The following NBEA variants were observed in gnomAD, a reference collection of about 807,000 sequenced individuals.
NBEA encodes lysosomal-trafficking regulator 2.
In NBEA, 44 loss-of-function variants were observed where a neutral mutation model predicts 343.4. The ratio of observed to expected loss-of-function variants is 0.13; its 90% CI spans 0.10 to 0.16. The LOEUF (loss-of-function observed/expected upper bound fraction) is 0.16, where lower values mean the gene tolerates loss of function less well. NBEA is among the 10% of genes least tolerant of loss of function. The pLI is 1.00. For synonymous variants in NBEA, 1,175 were observed against 1,238.7 expected (o/e 0.95, Z 1.08); for missense variants, 2,555 against 3,631.3 (o/e 0.70, Z 7.62).
intron 1 of NBEA, among the ~76,000 whole-genome samples, chr13:34,954,541 T>C (rs184511757): frequency 6.6e-6 from 1 of 152,340 alleles, no homozygotes; most frequent in East Asian, 1.9e-4. Context: ...TTCCTCTTGC[T>C]TTAACATTTC....
At chr13:35,263,726 G>A (rs533852146) in intron 34 of NBEA, among the ~76,000 whole-genome samples, 1 of 152,060 alleles carries the variant, frequency 6.6e-6, no homozygotes, top group South Asian at 2.1e-4. Context: ...ATATTTCTTG[G>A]ACAAACAAAA....
chr13:35,544,249 C>A (rs1170698372), intron 41 of NBEA, among the ~76,000 whole-genome samples: 1 of 152,016 alleles, frequency 6.6e-6, no homozygotes, highest in Admixed American at 6.6e-5. Context: ...CAATTCGTAA[C>A]AGGAAATTCA....
Position 34,985,124 on chromosome 13 carries a change from A to G in NBEA, c.294+42010A>G, listed in dbSNP as rs1311005528. ...GCATCCTTGTCTTGTGCCAGTTTTC[A>G]AAAGGAATGCTTCAAGTTTTTGCCC... On this transcript the variant is annotated intron_variant, in intron 1 of 58. Transcript: ENST00000379939. Among the ~76,000 whole-genome samples, 2 of 151,110 alleles carry G rather than the reference A, an allele frequency of 1.3e-5. 1 individual carries two copies. Among genetic ancestry groups the G allele is most frequent in the Non-Finnish European group, 3.0e-5 (2 of 67,486 alleles).
At chr13:34,947,344 A>G (rs973423992) in intron 1 of NBEA, among the ~76,000 whole-genome samples, 1 of 152,180 alleles carries the variant, frequency 6.6e-6, no homozygotes. Context: ...TTTGGTAAAT[A>G]CTATGCTGCT....
intron 41 of NBEA, among the ~76,000 whole-genome samples, chr13:35,536,689 C>T (rs1344184676): frequency 1.3e-5 from 2 of 152,160 alleles, no homozygotes; most frequent in Non-Finnish European, 2.9e-5. Context: ...GACAGACAGT[C>T]AGTCCTGGAT....
intron 6 of NBEA, among the ~76,000 whole-genome samples, chr13:35,054,643 C>CTTTTTTTTTT (rs1186551019): frequency 2.6e-5 from 3 of 117,450 alleles, no homozygotes; most frequent in South Asian, 2.8e-4. Context: ...GTTTTCTTTT[C>CTTTTTTTTTT]TTTTTTTTTT....
At chr13:35,216,428 A>G (rs2074068834) in intron 33 of NBEA, among the ~76,000 whole-genome samples, 1 of 151,940 alleles carries the variant, frequency 6.6e-6, no homozygotes, top group Non-Finnish European at 1.5e-5. Context: ...GATATGGCCT[A>G]AAGCTTAAAA....
intron 49 of NBEA, among the ~76,000 whole-genome samples, chr13:35,634,988 C>A (rs922755923): frequency 2.7e-5 from 4 of 148,534 alleles, no homozygotes; most frequent in African/African-American, 1.0e-4. Context: ...TGTCAAGAAC[C>A]AGAAGATAGA....
At chr13:35,669,459 A>G (rs1030033468) in intron 58 of NBEA, among the ~76,000 whole-genome samples, 8 of 152,228 alleles carry the variant, frequency 5.3e-5, no homozygotes, top group African/African-American at 1.9e-4. Context: ...ATAAAATGGC[A>G]CTGAAGTCAT....
chr13:35,498,068 G>C (rs2076748177), intron 41 of NBEA, among the ~76,000 whole-genome samples: 1 of 151,932 alleles, frequency 6.6e-6, no homozygotes, highest in Non-Finnish European at 1.5e-5. Context: ...ATTCTTTAAA[G>C]GTCATATGTA....
intron 41 of NBEA, chr13:35,474,902 G>T (rs754812077): frequency 2.4e-5 from 22 of 918,172 alleles, no homozygotes; most frequent in Non-Finnish European, 3.4e-5. Context: ...CCCTTGTGGG[G>T]GTGGGTGAGA....
At chr13:35,471,053 A>C (rs941677071) in intron 40 of NBEA, among the ~76,000 whole-genome samples, 1 of 152,086 alleles carries the variant, frequency 6.6e-6, no homozygotes, top group Non-Finnish European at 1.5e-5. Context: ...GAAATGAAAG[A>C]CAGGGCTGTG....
chr13:35,304,193 ACT>A (rs1397442924), intron 35 of NBEA, among the ~76,000 whole-genome samples: 1 of 151,980 alleles, frequency 6.6e-6, no homozygotes, highest in Admixed American at 6.6e-5. Context: ...TCTAATAGTG[ACT>A]CTTCTTTTGG....
Position 35,177,628 on chromosome 13 carries a change from C to A in NBEA, c.4662+525C>A, listed in dbSNP as rs1356780053. Reference sequence around the variant, plus strand: ...AGATGAAGAGGTTTCATGGAACCCTCCAATCTTATGATCAGTTACTCCAGG... The same window carrying A: ...AGATGAAGAGGTTTCATGGAACCCTACAATCTTATGATCAGTTACTCCAGG... On this transcript the variant is annotated intron_variant, in intron 28 of 58. Coordinates refer to ENST00000379939, the MANE Select transcript of NBEA (RefSeq NM_001385012.1). 2.0e-5 allele frequency among the ~76,000 whole-genome samples: 3 copies of A among 151,696 alleles called. No individual in the cohort carries two copies. The East Asian group carries it at 5.8e-4, about 29-fold the overall frequency.
At chr13:35,416,615 A>T (rs1432553965) in intron 38 of NBEA, among the ~76,000 whole-genome samples, 3 of 152,062 alleles carry the variant, frequency 2.0e-5, no homozygotes, top group African/African-American at 7.2e-5. Context: ...AAGCTTTTTG[A>T]TGTGCTGCTG....
intron 1 of NBEA, among the ~76,000 whole-genome samples, chr13:34,980,747 G>A (rs760501607): frequency 5.9e-5 from 9 of 152,084 alleles, no homozygotes; most frequent in Non-Finnish European, 1.0e-4. Context: ...GTTAGCTATA[G>A]GAGTTTGTAG....
chr13:35,506,593 G>A (rs7325781), intron 41 of NBEA, among the ~76,000 whole-genome samples: 86,578 of 151,930 alleles, frequency 0.57, 24,944 homozygotes, highest in African/African-American at 0.6. Flanking sequence ...TGTTCTGTCC[G>A]TCCCTCACTC....
At chr13:35,457,764 A>G (rs1375257734) in intron 40 of NBEA, among the ~76,000 whole-genome samples, 1 of 151,970 alleles carries the variant, frequency 6.6e-6, no homozygotes, top group Non-Finnish European at 1.5e-5. Context: ...ACCCGCCACC[A>G]CGCCCAGCTA....
At chr13:35,231,381 C>CT (rs1397783693) in intron 33 of NBEA, among the ~76,000 whole-genome samples, 1 of 151,984 alleles carries the variant, frequency 6.6e-6, no homozygotes, top group African/African-American at 2.4e-5. Context: ...GGTTAATTAC[C>CT]TTTTTTTCAT....
Sources: gnomAD v4.1 joint callset for allele counts (sites outside exome capture counted in the v4.1 genomes callset) on GRCh38, gnomAD v4.1.1 for gene constraint, MANE v1.5 for transcripts, NCBI Gene and HGNC (gene_info 2026-07-23, HGNC 2026-07-21) for gene names.